The following GRID2 variants were observed in gnomAD, a reference collection of about 807,000 sequenced individuals.
GRID2 encodes the protein glutamate receptor ionotropic, delta-2.
Under a neutral mutation model 114.8 loss-of-function variants are expected in GRID2, and 33 were observed. The ratio of observed to expected loss-of-function variants is 0.29; its 90% CI spans 0.22 to 0.38. GRID2 has a LOEUF of 0.38. Ranked by LOEUF, GRID2 falls within the 10% of genes least tolerant of loss-of-function variation. The pLI is 1.00. For missense variants in GRID2, 1,184 were observed against 1,257.7 expected (o/e 0.94, Z 0.89); for synonymous variants, 505 against 449.9 (o/e 1.12, Z -1.55).
chr4:92,911,437 A>C (rs1287894638), intron 2 of GRID2, among the ~76,000 whole-genome samples: 2 of 152,030 alleles, frequency 1.3e-5, no homozygotes, highest in African/African-American at 4.8e-5. Flanking sequence ...TAAAGTGTGC[A>C]ACACATAGTG....
chr4:93,343,142 CTGTGTG>C (rs150132437), intron 8 of GRID2, among the ~76,000 whole-genome samples: 19 of 40,188 alleles, frequency 4.7e-4, no homozygotes, highest in East Asian at 2.5e-3. Flanking sequence ...TGTGAGGTGA[CTGTGTG>C]TGTGTGTGTG....
At position 93,534,962 on chromosome 4, in the gene GRID2, A is replaced by T. The variant is rs147537870; in HGVS notation, c.2193+19551A>T. ...GCTGTACATCACATTTCCAGAACTT[A>T]TTCATCTTTTAAATGAAAGTAAAAT... On this transcript the variant is annotated intron_variant, in intron 13 of 15. Coordinates refer to ENST00000282020, the MANE Select transcript of GRID2 (RefSeq NM_001510.4). 9.9e-4 allele frequency among the ~76,000 whole-genome samples: 150 copies of T among 151,420 alleles called. 3 individuals carry two copies. The East Asian group carries it at 0.028, about 29-fold the overall frequency.
At chr4:93,652,645 A>C (rs1241270750) in intron 14 of GRID2, among the ~76,000 whole-genome samples, 1 of 152,042 alleles carries the variant, frequency 6.6e-6, no homozygotes, top group Non-Finnish European at 1.5e-5. Flanking sequence ...ACCTAAAGAT[A>C]CATTTTTCAG....
At chr4:93,193,208 C>T (rs1741157038) in intron 4 of GRID2, among the ~76,000 whole-genome samples, 1 of 152,136 alleles carries the variant, frequency 6.6e-6, no homozygotes, top group Admixed American at 6.6e-5. Context: ...ATACAAGTAG[C>T]TCCCAGAATT....
intron 8 of GRID2, among the ~76,000 whole-genome samples, chr4:93,292,643 T>C (rs1753869841): frequency 6.6e-6 from 1 of 152,164 alleles, no homozygotes; most frequent in South Asian, 2.1e-4. Flanking sequence ...AAACTGTACA[T>C]AGTGAGAGGT....
intron 2 of GRID2, among the ~76,000 whole-genome samples, chr4:93,082,304 A>C (rs1224088032): frequency 4.6e-5 from 7 of 152,216 alleles, no homozygotes; most frequent in African/African-American, 1.7e-4. Flanking sequence ...TTCGCTATGC[A>C]AAATTTTAAG....
In GRID2 at chr4:92,912,089, C is replaced by G. The variant is rs146478022; in HGVS notation, c.245-172906C>G. 7.0e-3 allele frequency among the ~76,000 whole-genome samples: 1,065 copies of G among 151,828 alleles called. 44 individuals carry two copies. The highest frequency in any genetic ancestry group is 0.061 in the Admixed American group (921 of 15,196). ...GTTATCATGTCTGTCATGTACTTTA[C>G]TATATTATTGCTGAAGACAAAACAC... On this transcript the variant is annotated intron_variant, in intron 2 of 15. Transcript: ENST00000282020.
intron 8 of GRID2, among the ~76,000 whole-genome samples, chr4:93,393,038 G>A (rs941495468): frequency 6.6e-6 from 1 of 151,794 alleles, no homozygotes; most frequent in African/African-American, 2.4e-5. Context: ...ATCAATATAG[G>A]AAATAAGTAT....
intron 1 of GRID2, among the ~76,000 whole-genome samples, chr4:92,491,844 C>A (rs1176981228): frequency 6.6e-6 from 1 of 152,116 alleles, no homozygotes; most frequent in African/African-American, 2.4e-5. Flanking sequence ...TTTCTCATAT[C>A]ACTTTATAGA....
intron 8 of GRID2, among the ~76,000 whole-genome samples, chr4:93,323,746 T>C (rs1757508423): frequency 6.6e-6 from 1 of 152,162 alleles, no homozygotes; most frequent in Non-Finnish European, 1.5e-5. Flanking sequence ...GTAGTTCTCC[T>C]TGAAGAGGTC....
At chr4:92,413,883 A>G (rs968398718) in intron 1 of GRID2, among the ~76,000 whole-genome samples, 1 of 152,160 alleles carries the variant, frequency 6.6e-6, no homozygotes, top group Non-Finnish European at 1.5e-5. Context: ...AGAGGAACAC[A>G]CTAGATTGTG....
intron 2 of GRID2, among the ~76,000 whole-genome samples, chr4:92,930,136 T>C (rs752919417): frequency 1.3e-5 from 2 of 151,270 alleles, no homozygotes; most frequent in Non-Finnish European, 3.0e-5. Flanking sequence ...ACAAAGTAAA[T>C]GACTTACTCA....
At chr4:93,777,950 G>A (rs999394102), downstream of GRID2, among the ~76,000 whole-genome samples, 8 of 152,034 alleles carry the variant, frequency 5.3e-5, no homozygotes, top group African/African-American at 1.9e-4. Context: ...TTAAAAATTG[G>A]ACATCAGTAT....
At position 93,152,340 on chromosome 4, in the gene GRID2, G is replaced by A. The variant is rs529525544; in HGVS notation, c.735+41387G>A. Among the ~76,000 whole-genome samples the A allele has an allele frequency of 1.5e-4, 23 of 152,178 alleles. No homozygotes were observed. The South Asian group carries it at 4.8e-3, about 32-fold the overall frequency. Reference sequence around the variant, plus strand: ...AAGCAAGGCAAAAAGAATAAAAAGGGAGAAACCTACTTTAAAACAATCTGA... The same window carrying A: ...AAGCAAGGCAAAAAGAATAAAAAGGAAGAAACCTACTTTAAAACAATCTGA... On this transcript the variant is annotated intron_variant, in intron 4 of 15. Coordinates refer to ENST00000282020, the MANE Select transcript of GRID2 (RefSeq NM_001510.4).
downstream of GRID2, among the ~76,000 whole-genome samples, chr4:93,776,040 A>G (rs1291088593): frequency 2.6e-5 from 4 of 152,224 alleles, no homozygotes. Context: ...GAATTTTCCA[A>G]TGGTGAAACA....
At position 93,316,305 on chromosome 4, in the gene GRID2, AAAGAAAGAAAGAAAGAAAG is replaced by A. The variant is rs1232420373; in HGVS notation, c.1245+77818_1245+77836del. The stretch of plus-strand genomic sequence containing the variant: ...GAACGAAAGAACGAAAGAAAGAAAG[AAAGAAAGAAAGAAAGAAAG>A]AAAGAAAGAAAGAAAGAAGGAAGGA... On this transcript the variant is annotated intron_variant, in intron 8 of 15. Coordinates refer to ENST00000282020, the MANE Select transcript of GRID2 (RefSeq NM_001510.4). 7.2e-4 allele frequency among the ~76,000 whole-genome samples: 88 copies of A among 121,974 alleles called. 1 individual carries two copies. Among genetic ancestry groups the A allele is most frequent in the African/African-American group, 3.1e-3 (86 of 27,708 alleles). The allele number at this position is 121,974 out of a possible 152,430, so 80.0% of individuals were successfully genotyped here. A position where few individuals can be genotyped will look rare whatever the true frequency, so the allele number is the denominator to read the frequency against.
chr4:93,720,488 T>TA (rs1396814428), intron 14 of GRID2, among the ~76,000 whole-genome samples: 3 of 152,098 alleles, frequency 2.0e-5, no homozygotes, highest in Non-Finnish European at 4.4e-5. Context: ...AGGAAGTAAA[T>TA]ACAGAATAAT....
At chr4:93,021,768 A>AATTATTTATAATATGAATATT (rs1723372404) in intron 2 of GRID2, among the ~76,000 whole-genome samples, 2 of 145,842 alleles carry the variant, frequency 1.4e-5, no homozygotes, top group African/African-American at 5.0e-5. Context: ...TGAATATTAT[A>AATTATTTATAATATGAATATT]ATATTTACAA....
At chr4:93,462,889 TG>T (rs988864045) in intron 11 of GRID2, among the ~76,000 whole-genome samples, 2 of 152,214 alleles carry the variant, frequency 1.3e-5, no homozygotes, top group African/African-American at 4.8e-5. Context: ...CTAGCTCTGT[TG>T]TTTACTGACC....
Sources: gnomAD v4.1 joint callset for allele counts (sites outside exome capture counted in the v4.1 genomes callset) on GRCh38, gnomAD v4.1.1 for gene constraint, MANE v1.5 for transcripts, NCBI Gene and HGNC (gene_info 2026-07-23, HGNC 2026-07-21) for gene names.